TLN1: variants seen among roughly 807,000 people sequenced by gnomAD.
TLN1 encodes the protein talin 1.
A neutral mutation model predicts 292.3 loss-of-function variants in TLN1; 56 were observed. The ratio of observed to expected loss-of-function variants is 0.19; its 90% confidence interval spans 0.15 to 0.24. The LOEUF (loss-of-function observed/expected upper bound fraction) is 0.24. Among genes scored for constraint, TLN1 ranks in the 10% least tolerant of loss-of-function variants. The pLI, the probability that TLN1 is intolerant of heterozygous loss-of-function variation, is 1.00. For synonymous variants in TLN1, 1,119 were observed against 1,253.7 expected (o/e 0.89, Z 2.27); for missense variants, 2,433 against 3,248.2 (o/e 0.75, Z 6.10).
intron 43 of TLN1, among the ~76,000 whole-genome samples, chr9:35,705,144 G>A (rs542276293): frequency 2.6e-5 from 4 of 152,200 alleles, no homozygotes; most frequent in Non-Finnish European, 5.9e-5. Flanking sequence ...GTTATGGAGG[G>A]TTTTAAGGAT....
rs747592250 is a variant in TLN1, at chr9:35,713,057, G to A, written c.3353-14C>T. 2.1e-5 allele frequency: 33 copies of A among 1,590,596 alleles called. No individual in the cohort carries two copies. The highest frequency in any genetic ancestry group is 2.7e-5 in the Non-Finnish European group (31 of 1,164,444). On this transcript the variant is annotated splice_polypyrimidine_tract_variant and intron_variant, in intron 26 of 56. Transcript: ENST00000314888. ...GAGCTGCAATACCTTGGGAGATGAG[G>A]AGAAAGAGGGAAGGGAAGGTGCTTT...
intron 48 of TLN1, among the ~76,000 whole-genome samples, 154 bp from the exon 49 acceptor site, chr9:35,700,530 A>AGTTT (rs3069713): frequency 0.19 from 28,664 of 152,016 alleles, 3,253 homozygotes; most frequent in South Asian, 0.27. Context: ...GCAACTGGGG[A>AGTTT]GTTTGTTTGT....
Position 35,719,933 on chromosome 9 carries a change from G to T in TLN1, c.1465-80C>A. 6.3e-7 allele frequency: 1 copy of T among 1,582,356 alleles called. No homozygotes were observed. Among genetic ancestry groups the T allele is most frequent in the Non-Finnish European group, 8.6e-7 (1 of 1,159,888 alleles). On this transcript the variant is annotated intron_variant, in intron 13 of 56. Coordinates refer to ENST00000314888, the MANE Select transcript of TLN1 (RefSeq NM_006289.4). The surrounding 1 kb of genome is among the most constrained non-coding windows in gnomAD (Gnocchi z 4.6). The stretch of plus-strand genomic sequence containing the variant: ...AGGTAAAAGAGAACCAGGGTCTAGG[G>T]AGAGAATACAAATAGGGACCTGGGA...
intron 1 of TLN1, among the ~76,000 whole-genome samples, 162 bp from the exon 2 acceptor site, chr9:35,725,889 T>C (rs1825967522): frequency 6.6e-6 from 1 of 152,092 alleles, no homozygotes; most frequent in Non-Finnish European, 1.5e-5. Context: ...GAGTGAAAAA[T>C]TATTTACATC....
chr9:35,716,189 T>TC (rs1825778712), intron 20 of TLN1, among the ~76,000 whole-genome samples: 2 of 120,826 alleles, frequency 1.7e-5, no homozygotes, highest in African/African-American at 6.2e-5. Context: ...GACCACATCT[T>TC]TAAAAAAAAA....
Position 35,719,199 on chromosome 9 carries a change from C to T in TLN1, c.1771G>A (p.Val591Met). ...SSNLTEMSRG[V>M]KLLAALLEDE... Reference sequence around the variant, plus strand: ...TCCAGCAAGGCAGCCAGCAGCTTCACCCCACGGGACATCTCCGTCAGGTTG... The same window carrying T: ...TCCAGCAAGGCAGCCAGCAGCTTCATCCCACGGGACATCTCCGTCAGGTTG... The change falls in exon 16 of 57, where the codon GTG becomes ATG. Residue 591 changes from valine to methionine, a missense_variant. Physicochemically the swap from Val to Met is conservative, Grantham distance 21. This residue lies in a region of TLN1 where 617 missense variants were observed against 770.6 expected (regional missense o/e 0.80). Coordinates refer to ENST00000314888, the MANE Select transcript of TLN1 (RefSeq NM_006289.4). This position sits in a 1 kb window ranked among gnomAD's most constrained non-coding sequence, Gnocchi z 4.6. 6.2e-7 allele frequency: 1 copy of T among 1,614,208 alleles called. No individual in the cohort carries two copies. The highest frequency in any genetic ancestry group is 8.5e-7 in the Non-Finnish European group (1 of 1,180,038).
intron 1 of TLN1, among the ~76,000 whole-genome samples, chr9:35,730,066 A>C (rs1307680851): frequency 1.3e-5 from 2 of 152,022 alleles, no homozygotes; most frequent in Non-Finnish European, 2.9e-5. Flanking sequence ...TCACTGCATC[A>C]GGTTGGGGGA....
Position 35,717,291 on chromosome 9 carries a change from G to A in TLN1, c.2313C>T (p.Ala771=). Residue 771 remains alanine, a synonymous_variant, in exon 19 of 57, where the codon GCC becomes GCT. Transcript: ENST00000314888. The surrounding 1 kb of genome is among the most constrained non-coding windows in gnomAD (Gnocchi z 4.7). ...CATTTAGGGCCTGGGTGACAGCTGT[G>A]GCTGCTGCTCCTACCCCTCGCAACA... The part of the protein sequence containing the change: ...GQLLRGVGAA[A]TAVTQALNEL... 2 of 1,614,164 alleles carry A rather than the reference G, an allele frequency of 1.2e-6. No individual in the cohort carries two copies. Among genetic ancestry groups the A allele is most frequent in the Non-Finnish European group, 1.7e-6 (2 of 1,180,044 alleles).
At position 35,715,082 on chromosome 9, in the gene TLN1, T is replaced by C. The variant is rs1470483454; in HGVS notation, c.2731A>G (p.Lys911Glu). The change falls in exon 21 of 57, where the codon AAA becomes GAA. Residue 911 changes from lysine to glutamate, a missense_variant. By Grantham distance (56) the Lys-to-Glu change is moderately conservative. Around this residue, in one of 7 missense-constraint regions of TLN1, gnomAD observed 617 missense variants for 770.6 expected, o/e 0.80. Coordinates refer to ENST00000314888, the MANE Select transcript of TLN1 (RefSeq NM_006289.4). ...TNAAAQNAIK[K>E]KLVQRLEHAA... The stretch of plus-strand genomic sequence containing the variant: ...ACCTCCAGGCGCTGCACCAGCTTTT[T>C]CTTGATGGCATTCTGCGCAGCTGCA... 6.2e-7 allele frequency: 1 copy of C among 1,613,048 alleles called. No individual in the cohort carries two copies. Among genetic ancestry groups the C allele is most frequent in the Non-Finnish European group, 8.5e-7 (1 of 1,180,042 alleles).
chr9:35,724,013 A>G lies in TLN1; in HGVS notation c.721T>C (p.Phe241Leu), dbSNP rs1396987940. The change falls in exon 7 of 57, where the codon TTC (phenylalanine) becomes CTC (leucine). Residue 241 changes from phenylalanine (F) to leucine (L), a missense_variant. Physicochemically the swap from Phe to Leu is conservative, Grantham distance 22. Transcript: ENST00000314888. The surrounding 1 kb of genome is among the most constrained non-coding windows in gnomAD (Gnocchi z 4.7). ...GGCCCAAACTGGATCTGGCATTGGA[A>G]GCCAGCAAACTCACAGGCCTTGTCA... Reference protein sequence around the residue: ...SFDKACEFAGFQCQIQFGPHN... With the variant: ...SFDKACEFAGLQCQIQFGPHN... The G allele has an allele frequency of 1.2e-6, 2 of 1,613,966 alleles. No individual in the cohort carries two copies. Among genetic ancestry groups the G allele is most frequent in the Admixed American group, 3.3e-5 (2 of 59,968 alleles).
rs763176903 is a variant in TLN1 at position 35,712,066 on chromosome 9, C to T, written c.3620G>A (p.Arg1207His). 4 of 1,614,094 alleles carry T rather than the reference C, an allele frequency of 2.5e-6. No individual in the cohort carries two copies. The highest frequency in any genetic ancestry group is 1.7e-5 in the Admixed American group (1 of 60,026). The stretch of plus-strand genomic sequence containing the variant: ...TGCCCTCAGGGCATTATCCACATCG[C>T]GCTGGCCAGGTAGGCAGCTGACACA... ...NRCVSCLPGQRDVDNALRAVG... is the reference protein window; with the variant it reads ...NRCVSCLPGQHDVDNALRAVG... The change falls in exon 28 of 57, where the codon CGC becomes CAC. Residue 1207 changes from arginine (R) to histidine (H), a missense_variant. Physicochemically the swap from Arg to His is conservative, Grantham distance 29 (BLOSUM62 0). This residue lies in a region of TLN1 where 1,384 missense variants were observed against 1,699.6 expected (regional missense o/e 0.81). Transcript: ENST00000314888.
At position 35,703,687 on chromosome 9, in the gene TLN1, C is replaced by G. The variant is rs1563938992; in HGVS notation, c.6358-11G>C. 6.2e-7 allele frequency: 1 copy of G among 1,614,180 alleles called. No individual in the cohort carries two copies. The highest frequency in any genetic ancestry group is 1.7e-5 in the Admixed American group (1 of 60,024). ...ATTGGTCACCATCACCTGGAGGTATCAGAGGAGTGAAGAGGAATGATTTTA... is the reference window on the plus strand; with the variant it reads ...ATTGGTCACCATCACCTGGAGGTATGAGAGGAGTGAAGAGGAATGATTTTA... On this transcript the variant is annotated splice_polypyrimidine_tract_variant and intron_variant, in intron 47 of 56. Transcript: ENST00000314888.
rs761334958 is a variant in TLN1, at chr9:35,698,545, C to A, written c.7189-40G>T. The A allele has an allele frequency of 5.6e-6, 9 of 1,613,876 alleles. No individual in the cohort carries two copies. In the South Asian group the frequency reaches 7.7e-5, roughly 14 times the overall value. On this transcript the variant is annotated intron_variant, in intron 54 of 56. Coordinates refer to ENST00000314888, the MANE Select transcript of TLN1 (RefSeq NM_006289.4). This position sits in a 1 kb window ranked among gnomAD's most constrained non-coding sequence, Gnocchi z 5.3. ...GTTTGCTTAAAAATATGCCCCTTGC[C>A]CTGGTCCATCCCCACTCCAGCCTTC...
At position 35,724,585 on chromosome 9, in the gene TLN1, G is replaced by A; in HGVS notation, c.498C>T (p.His166=). The A allele has an allele frequency of 6.2e-7, 1 of 1,614,022 alleles. No homozygotes were observed. The highest frequency in any genetic ancestry group is 8.5e-7 in the Non-Finnish European group (1 of 1,180,008). ...KKMEKLKQKL[H]TDDELNWLDH... ...AGTTCTGCTTACACTCATCATCTGT[G>A]TGCAATTTCTGCTTTAGTTTCTCCA... The change falls in exon 5 of 57, where the codon CAC becomes CAT. Residue 166 remains histidine, a synonymous_variant. Transcript: ENST00000314888. This position sits in a 1 kb window ranked among gnomAD's most constrained non-coding sequence, Gnocchi z 4.7.
In TLN1 at chr9:35,720,923, C is replaced by T; in HGVS notation, c.1105-10G>A. On this transcript the variant is annotated splice_polypyrimidine_tract_variant and intron_variant, in intron 10 of 56. Coordinates refer to ENST00000314888, the MANE Select transcript of TLN1 (RefSeq NM_006289.4). ...GGTAATCTCCAAAATCCTAGGGTGA[C>T]AAGTGGGGGACTCAGAGGGAAAGCT... 2 of 1,602,778 alleles carry T rather than the reference C, an allele frequency of 1.2e-6. No homozygotes were observed. The highest frequency in any genetic ancestry group is 8.5e-7 in the Non-Finnish European group (1 of 1,169,904).
At chr9:35,716,653 TGGGG>T (rs1825788995) in intron 19 of TLN1, 97 bp from the exon 20 acceptor site, 1 of 1,351,176 alleles carries the variant, frequency 7.4e-7, no homozygotes, top group African/African-American at 1.5e-5. Context: ...ACAAGGTAGA[TGGGG>T]GCTTTAGGGA....
intron 1 of TLN1, among the ~76,000 whole-genome samples, chr9:35,730,677 G>A (rs541953250): frequency 1.1e-4 from 16 of 152,156 alleles, no homozygotes; most frequent in East Asian, 1.9e-4. Flanking sequence ...GGATGGGAAC[G>A]GATGATAAGA....
chr9:35,724,372 T>C lies in TLN1; in HGVS notation c.512-38A>G, dbSNP rs780878451. The C allele has an allele frequency of 2.5e-5, 40 of 1,612,734 alleles. No individual in the cohort carries two copies. Among genetic ancestry groups the C allele is most frequent in the South Asian group, 1.5e-4 (14 of 91,064 alleles). ...CAGTCCCCTCAGTGCCAAACCCCCA[T>C]GGCCCCTGTGCTGTCTGGTCTCTGT... On this transcript the variant is annotated intron_variant, in intron 5 of 56. Coordinates refer to ENST00000314888, the MANE Select transcript of TLN1 (RefSeq NM_006289.4). The surrounding 1 kb of genome is among the most constrained non-coding windows in gnomAD (Gnocchi z 4.7).
Position 35,711,055 on chromosome 9 carries a change from G to T in TLN1, c.4047C>A (p.Leu1349=). ...GTGCCTGCTGGGTGCACATAGTGAT[G>T]AGCTGATTGATGCTGTCAGTTACTG... ...ARAVTDSINQ[L]ITMCTQQAPG... The change falls in exon 31 of 57, where the codon CTC becomes CTA. Residue 1349 remains leucine (L), a synonymous_variant. Transcript: ENST00000314888. 1 of 1,614,226 alleles carries T rather than the reference G, an allele frequency of 6.2e-7. No individual in the cohort carries two copies. The highest frequency in any genetic ancestry group is 1.1e-5 in the South Asian group (1 of 91,086).
Sources: gnomAD v4.1 joint callset for allele counts (sites outside exome capture counted in the v4.1 genomes callset) on GRCh38, gnomAD v4.1.1 for gene constraint, gnomAD v4.1.1 regional missense constraint, Gnocchi (gnomAD v3.1) non-coding constraint, MANE v1.5 for transcripts, NCBI Gene and HGNC (gene_info 2026-07-23, HGNC 2026-07-21) for gene names.